Variants in DACH2 observed in about 807,000 individuals in gnomAD.
DACH2 encodes dachshund family transcription factor 2, also known as dachshund homolog 2.
A neutral mutation model predicts 35.8 loss-of-function variants in DACH2; 17 were observed. The observed-to-expected ratio is 0.48, with a 90% CI of 0.33 to 0.71. The LOEUF is 0.71. Ranked by LOEUF, DACH2 falls within the 30% of genes least tolerant of loss-of-function variation. The pLI is 0.02. For synonymous variants in DACH2, 195 were observed against 177.3 expected, an observed-to-expected ratio of 1.10 and a Z score of -0.79; for missense variants, 469 against 472.7, an observed-to-expected ratio of 0.99 and a Z score of 0.07.
chrX:86,290,808 C>T (rs1447394949), intron 1 of DACH2, among the ~76,000 whole-genome samples: 2 of 98,873 alleles, frequency 2.0e-5, no homozygotes, highest in African/African-American at 7.7e-5. Context: ...CAGTACCATG[C>T]TGTTTTGGTT....
chrX:86,478,478 T>C (rs897183866), intron 2 of DACH2, among the ~76,000 whole-genome samples: 24 of 110,729 alleles, frequency 2.2e-4, no homozygotes, highest in African/African-American at 4.3e-4. Flanking sequence ...GCCAGATGCA[T>C]TGGAGCTCCA....
At chrX:86,639,159 A>G (rs1357686542) in intron 3 of DACH2, among the ~76,000 whole-genome samples, 2 of 111,802 alleles carry the variant, frequency 1.8e-5, no homozygotes, top group Non-Finnish European at 3.8e-5. Context: ...TTCAACTGTA[A>G]CATCCAGGTA....
At chrX:86,810,488 T>C (rs1228164886) in intron 7 of DACH2, among the ~76,000 whole-genome samples, 1 of 112,026 alleles carries the variant, frequency 8.9e-6, no homozygotes, top group Non-Finnish European at 1.9e-5. Flanking sequence ...CCAGGCTACA[T>C]AAATTAATAC....
At chrX:86,408,502 G>A (rs1467741455) in intron 2 of DACH2, among the ~76,000 whole-genome samples, 3 of 111,664 alleles carry the variant, frequency 2.7e-5, no homozygotes, top group Non-Finnish European at 5.6e-5. Context: ...TTTCTCTTAC[G>A]AGTATTATTA....
At chrX:86,447,066 T>A (rs1197194091) in intron 2 of DACH2, among the ~76,000 whole-genome samples, 2 of 82,914 alleles carry the variant, frequency 2.4e-5, no homozygotes, top group Non-Finnish European at 4.6e-5. Flanking sequence ...CATTTCTTCA[T>A]GTGTTTTTTG....
At chrX:86,174,949 A>C (rs1296573558) in intron 1 of DACH2, among the ~76,000 whole-genome samples, 3 of 112,119 alleles carry the variant, frequency 2.7e-5, no homozygotes, top group Admixed American at 1.9e-4. Context: ...CTCCAAAAGC[A>C]CTGGGATTAC....
chrX:86,476,616 CTT>C (rs1326497636), intron 2 of DACH2, among the ~76,000 whole-genome samples: 2 of 110,981 alleles, frequency 1.8e-5, no homozygotes, highest in South Asian at 7.5e-4. Flanking sequence ...TTTCCTTGAT[CTT>C]TTGTATTGTT....
intron 3 of DACH2, among the ~76,000 whole-genome samples, chrX:86,538,979 C>T (rs2038842638): frequency 9.0e-6 from 1 of 110,773 alleles, no homozygotes; most frequent in African/African-American, 3.3e-5. Context: ...AATGTGTTTA[C>T]CATAGAAAGA....
intron 1 of DACH2, among the ~76,000 whole-genome samples, chrX:86,187,649 T>C (rs1489057694): frequency 2.7e-5 from 3 of 111,003 alleles, no homozygotes; most frequent in African/African-American, 9.8e-5. Flanking sequence ...TGGTCTCAAA[T>C]TCCTGGCCTC....
intron 5 of DACH2, among the ~76,000 whole-genome samples, chrX:86,713,148 G>C (rs1227227967): frequency 3.6e-5 from 4 of 111,277 alleles, no homozygotes; most frequent in Non-Finnish European, 7.6e-5. Context: ...TTGAAATCAG[G>C]AGACGGACCT....
intron 1 of DACH2, among the ~76,000 whole-genome samples, chrX:86,270,968 C>G (rs1267532831): frequency 6.3e-5 from 7 of 111,742 alleles, no homozygotes; most frequent in Non-Finnish European, 1.3e-4. Flanking sequence ...TCATTTGAAT[C>G]AATCAGTTAA....
chrX:86,546,407 T>TCTTCTTCTTCTTCTTC (rs1569435811), intron 3 of DACH2, among the ~76,000 whole-genome samples: 5 of 87,353 alleles, frequency 5.7e-5, no homozygotes, highest in South Asian at 5.6e-4. Flanking sequence ...TCTTCTTCCT[T>TCTTCTTCTTCTTCTTC]CTTCTTCTTC....
chrX:86,339,454 A>G (rs1196044330), intron 1 of DACH2, among the ~76,000 whole-genome samples: 1 of 112,107 alleles, frequency 8.9e-6, no homozygotes, highest in Non-Finnish European at 1.9e-5. Context: ...ATTTTAACAA[A>G]CACATCCCTT....
chrX:86,501,001 G>T (rs976066066), intron 2 of DACH2, among the ~76,000 whole-genome samples: 2 of 111,769 alleles, frequency 1.8e-5, no homozygotes, highest in African/African-American at 3.2e-5. Context: ...CCATCAGTTT[G>T]ATGTGTCATG....
chrX:86,226,443 A>G (rs756762896), intron 1 of DACH2, among the ~76,000 whole-genome samples: 1 of 111,557 alleles, frequency 9.0e-6, no homozygotes, highest in South Asian at 3.7e-4. Flanking sequence ...ACATTTGTCT[A>G]AGAAAAAAAT....
chrX:86,730,390 A>C (rs1429332507), intron 6 of DACH2, among the ~76,000 whole-genome samples: 1 of 112,056 alleles, frequency 8.9e-6, no homozygotes, highest in Non-Finnish European at 1.9e-5. Flanking sequence ...CTATATTTAC[A>C]TATAAAATTT....
At chrX:86,229,017 T>C (rs2032889693) in intron 1 of DACH2, among the ~76,000 whole-genome samples, 1 of 111,951 alleles carries the variant, frequency 8.9e-6, no homozygotes, top group African/African-American at 3.2e-5. Context: ...TGCTTTTGGC[T>C]TTTTGGTCAT....
In DACH2 at chrX:86,726,293, G is replaced by A. The variant is rs764568349; in HGVS notation, c.1104+11573G>A. Among the ~76,000 whole-genome samples, 3 of 111,578 alleles carry A rather than the reference G, an allele frequency of 2.7e-5. No homozygotes were observed. The East Asian group carries it at 8.6e-4, about 32-fold the overall frequency. ...CCTCTTCAGCCAGGTGGCAGATGCA[G>A]CAGAGTCAGCCCAAACTCTGTCCAT... On this transcript the variant is annotated intron_variant, in intron 6 of 11. Transcript: ENST00000373125.
intron 3 of DACH2, among the ~76,000 whole-genome samples, chrX:86,575,828 G>T (rs780484254): frequency 2.7e-5 from 3 of 111,286 alleles, no homozygotes; most frequent in Non-Finnish European, 3.8e-5. Flanking sequence ...GGTCATAGAT[G>T]GTAGCCTCCC....
Sources: allele counts gnomAD v4.1 joint callset (sites outside exome capture counted in the v4.1 genomes callset), GRCh38; gene constraint gnomAD v4.1.1; transcripts MANE v1.5; gene names NCBI Gene and HGNC (gene_info 2026-07-23, HGNC 2026-07-21).